The following ADGRL3 variants were observed in gnomAD, a reference collection of about 807,000 sequenced individuals.
ADGRL3 encodes adhesion G protein-coupled receptor L3, also known as calcium-independent alpha-latrotoxin receptor 3.
A neutral mutation model predicts 153.5 loss-of-function variants in ADGRL3; 62 were observed. That is an observed-to-expected ratio of 0.40 (90% CI 0.33 to 0.50). The LOEUF (loss-of-function observed/expected upper bound fraction) is 0.50, where lower values mean the gene tolerates loss of function less well. ADGRL3 is among the 20% of genes least tolerant of loss of function. The pLI is 0.47. For synonymous variants in ADGRL3, 710 were observed against 672.5 expected, an observed-to-expected ratio of 1.06 and a Z score of -0.86; for missense variants, 1,641 against 1,859.4, an observed-to-expected ratio of 0.88 and a Z score of 2.16.
chr4:61,244,412 A>T (rs1417505258), intron 1 of ADGRL3, among the ~76,000 whole-genome samples: 1 of 152,070 alleles, frequency 6.6e-6, no homozygotes, highest in Non-Finnish European at 1.5e-5. Flanking sequence ...TAATAGGTAC[A>T]CAAGTAATAA....
chr4:61,526,888 A>G (rs1378701212), intron 4 of ADGRL3, among the ~76,000 whole-genome samples: 1 of 152,182 alleles, frequency 6.6e-6, no homozygotes, highest in East Asian at 1.9e-4. Context: ...ATGAATATAA[A>G]TATATTTTCA....
At chr4:61,262,313 C>T (rs927903557) in intron 1 of ADGRL3, among the ~76,000 whole-genome samples, 1 of 151,972 alleles carries the variant, frequency 6.6e-6, no homozygotes, top group African/African-American at 2.4e-5. Flanking sequence ...ATCATAGTAA[C>T]CCTTTCAAAA....
intron 4 of ADGRL3, among the ~76,000 whole-genome samples, chr4:61,537,787 C>A (rs1012007047): frequency 6.6e-6 from 1 of 152,156 alleles, no homozygotes; most frequent in Admixed American, 6.5e-5. Context: ...CGATTAAGAT[C>A]AAGTATTTCC....
chr4:61,363,064 A>C (rs1227601727), intron 1 of ADGRL3, among the ~76,000 whole-genome samples: 1 of 152,186 alleles, frequency 6.6e-6, no homozygotes. Context: ...TGTGTTATTG[A>C]TACAGCTGTC....
At chr4:62,053,230 G>A (rs1316419470) in intron 25 of ADGRL3, among the ~76,000 whole-genome samples, 1 of 151,350 alleles carries the variant, frequency 6.6e-6, no homozygotes, top group Non-Finnish European at 1.5e-5. Context: ...TGTGAAAGGA[G>A]GATATATGTT....
At chr4:61,464,618 A>T (rs1172370795) in intron 2 of ADGRL3, among the ~76,000 whole-genome samples, 1 of 152,188 alleles carries the variant, frequency 6.6e-6, no homozygotes, top group Non-Finnish European at 1.5e-5. Context: ...ATAATACATA[A>T]CTAATATGGC....
chr4:61,418,797 T>C (rs2097171872), intron 2 of ADGRL3, among the ~76,000 whole-genome samples: 1 of 150,754 alleles, frequency 6.6e-6, no homozygotes, highest in Admixed American at 6.6e-5. Context: ...TTGTGTTAAA[T>C]GTTCATGCTT....
intron 4 of ADGRL3, among the ~76,000 whole-genome samples, chr4:61,566,425 A>G (rs2098816483): frequency 6.6e-6 from 1 of 152,180 alleles, no homozygotes; most frequent in Admixed American, 6.6e-5. Flanking sequence ...TGGGACTTCA[A>G]TATAGAAACT....
At chr4:61,367,442 G>C (rs1478648065) in intron 1 of ADGRL3, among the ~76,000 whole-genome samples, 2 of 150,218 alleles carry the variant, frequency 1.3e-5, no homozygotes, top group African/African-American at 4.9e-5. Context: ...CTGTGTCCAT[G>C]TGTTCTCATT....
intron 1 of ADGRL3, among the ~76,000 whole-genome samples, chr4:61,366,973 C>CT (rs1553913173): frequency 1.3e-5 from 2 of 152,054 alleles, no homozygotes; most frequent in Non-Finnish European, 2.9e-5. Flanking sequence ...GTGGCTCTTT[C>CT]TTTGTTTATT....
chr4:61,473,991 G>A (rs565951293), intron 2 of ADGRL3, among the ~76,000 whole-genome samples: 77 of 152,076 alleles, frequency 5.1e-4, no homozygotes, highest in African/African-American at 1.8e-3. Flanking sequence ...ATTGTCAATA[G>A]GCATTTTGAG....
chr4:61,217,607 ACT>A (rs1283467931), intron 1 of ADGRL3, among the ~76,000 whole-genome samples: 4 of 152,268 alleles, frequency 2.6e-5, no homozygotes, highest in African/African-American at 9.6e-5. Context: ...CAGAAAATAA[ACT>A]CTCTGTTGAC....
chr4:61,423,840 A>G (rs1172182519), intron 2 of ADGRL3, among the ~76,000 whole-genome samples: 3 of 152,170 alleles, frequency 2.0e-5, no homozygotes, highest in Non-Finnish European at 2.9e-5. Context: ...TAATGTGTGT[A>G]TATGGTAGCC....
chr4:61,495,183 T>C (rs1478228372), intron 2 of ADGRL3, among the ~76,000 whole-genome samples: 1 of 152,196 alleles, frequency 6.6e-6, no homozygotes, highest in African/African-American at 2.4e-5. Flanking sequence ...TCAGGTTGTC[T>C]GGCTCCAGAA....
At chr4:61,558,824 A>G (rs879339392) in intron 4 of ADGRL3, among the ~76,000 whole-genome samples, 10 of 152,044 alleles carry the variant, frequency 6.6e-5, no homozygotes, top group Non-Finnish European at 1.0e-4. Context: ...GAATCTTATT[A>G]AGCCCTGGCA....
intron 4 of ADGRL3, among the ~76,000 whole-genome samples, chr4:61,543,729 A>T (rs1237790637): frequency 1.3e-5 from 2 of 152,180 alleles, no homozygotes; most frequent in Non-Finnish European, 2.9e-5. Context: ...AAAATGCTTC[A>T]CGTTTTTAAC....
chr4:61,261,534 G>C (rs1292130549), intron 1 of ADGRL3, among the ~76,000 whole-genome samples: 1 of 152,092 alleles, frequency 6.6e-6, no homozygotes, highest in Non-Finnish European at 1.5e-5. Flanking sequence ...CGGATACAGA[G>C]AGCAATTGTA....
chr4:61,356,748 A>G (rs554389525), intron 1 of ADGRL3, among the ~76,000 whole-genome samples: 14 of 152,158 alleles, frequency 9.2e-5, no homozygotes, highest in Non-Finnish European at 1.5e-4. Flanking sequence ...GCTTGGAAAT[A>G]CAGTTTATCA....
In ADGRL3 at chr4:62,072,124, T is replaced by G. The variant is rs1421852111; in HGVS notation, c.*1216T>G. On this transcript the variant is annotated 3_prime_UTR_variant, in exon 27 of 27. Transcript: ENST00000683033. Reference sequence around the variant, plus strand: ...CCATAGGCATTAAAGTGCTGAATGCTCAGTCTGATCAACAAGTGGGCACCT... The same window carrying G: ...CCATAGGCATTAAAGTGCTGAATGCGCAGTCTGATCAACAAGTGGGCACCT... The G allele has an allele frequency of 6.5e-6, 1 of 153,018 alleles. No homozygotes were observed. Among genetic ancestry groups the G allele is most frequent in the Non-Finnish European group, 1.5e-5 (1 of 68,370 alleles). 9.5% of individuals were successfully genotyped at this position (153,018 alleles called of 1,614,324 possible).
Sources: allele counts gnomAD v4.1 joint callset (sites outside exome capture counted in the v4.1 genomes callset), GRCh38; gene constraint gnomAD v4.1.1; transcripts MANE v1.5; gene names NCBI Gene and HGNC (gene_info 2026-07-23, HGNC 2026-07-21).